Variants in COL14A1 observed in about 807,000 individuals in gnomAD.
COL14A1 encodes collagen alpha-1(XIV) chain.
COL14A1 carries 136 observed loss-of-function variants against 230.3 expected under a neutral mutation model. That is an observed-to-expected ratio of 0.59 (90% confidence interval 0.51 to 0.68). The LOEUF is 0.68. Among genes scored for constraint, COL14A1 ranks in the 30% least tolerant of loss-of-function variants. The pLI, the probability that COL14A1 is intolerant of heterozygous loss-of-function variation, is 0.00. For synonymous variants in COL14A1, 792 were observed against 784.1 expected (o/e 1.01, Z -0.17); for missense variants, 1,976 against 2,215.8 (o/e 0.89, Z 2.17).
chr8:120,178,280 T>G (rs1037204005), intron 5 of COL14A1, among the ~76,000 whole-genome samples: 1 of 152,138 alleles, frequency 6.6e-6, no homozygotes, highest in Non-Finnish European at 1.5e-5. Flanking sequence ...CCTATGTCCA[T>G]GTGTTCTCAT....
chr8:120,190,524 C>T (rs1165584644), intron 5 of COL14A1, among the ~76,000 whole-genome samples: 1 of 151,948 alleles, frequency 6.6e-6, no homozygotes, highest in Non-Finnish European at 1.5e-5. Flanking sequence ...CTTTTGTTGC[C>T]ATTGCTTTTG....
chr8:120,311,184 C>T (rs889285226), intron 37 of COL14A1, among the ~76,000 whole-genome samples: 11 of 152,150 alleles, frequency 7.2e-5, no homozygotes, highest in Non-Finnish European at 1.5e-5. Flanking sequence ...TTTGGTGGGA[C>T]AGACTTGAGG....
intron 14 of COL14A1, among the ~76,000 whole-genome samples, chr8:120,223,026 C>G (rs563406692): frequency 6.6e-6 from 1 of 152,222 alleles, no homozygotes; most frequent in East Asian, 1.9e-4. Context: ...CTAATTTCGA[C>G]AAGAGCTGGG....
intron 2 of COL14A1, among the ~76,000 whole-genome samples, chr8:120,152,206 AATC>A (rs1444792759): frequency 6.6e-6 from 1 of 152,138 alleles, no homozygotes; most frequent in African/African-American, 2.4e-5. Context: ...TCACGTCTGT[AATC>A]CCAGCACTTT....
At chr8:120,306,329 G>A (rs1193358243) in intron 36 of COL14A1, among the ~76,000 whole-genome samples, 2 of 152,146 alleles carry the variant, frequency 1.3e-5, no homozygotes, top group Admixed American at 1.3e-4. Context: ...CAGCAGAGAT[G>A]TGAAAGGGAA....
At chr8:120,292,942 T>C (rs1433767271) in intron 34 of COL14A1, among the ~76,000 whole-genome samples, 1 of 152,096 alleles carries the variant, frequency 6.6e-6, no homozygotes, top group Non-Finnish European at 1.5e-5. Flanking sequence ...CAATGCAAGA[T>C]TGTATAGGCA....
intron 10 of COL14A1, 77 bp downstream of exon 10, chr8:120,207,171 A>T: frequency 1.7e-6 from 2 of 1,196,624 alleles, no homozygotes; most frequent in South Asian, 1.7e-5. Flanking sequence ...CAAGGCAGAA[A>T]TATAAATATA....
intron 2 of COL14A1, 71 bp downstream of exon 2, chr8:120,148,001 T>C (rs1193730644): frequency 9.1e-5 from 100 of 1,099,318 alleles, no homozygotes; most frequent in Non-Finnish European, 1.4e-4. Flanking sequence ...TCATTTTATT[T>C]TATTTATCCT....
chr8:120,239,380 C>T (rs1563690411), intron 19 of COL14A1, among the ~76,000 whole-genome samples: 1 of 152,192 alleles, frequency 6.6e-6, no homozygotes, highest in Non-Finnish European at 1.5e-5. Flanking sequence ...CCTTTGCCTT[C>T]CTCACTCAAA....
chr8:120,358,899 A>C (rs549200988), intron 45 of COL14A1, among the ~76,000 whole-genome samples: 97 of 152,308 alleles, frequency 6.4e-4, no homozygotes, highest in African/African-American at 2.1e-3. Flanking sequence ...AGGTGAAAAC[A>C]TGCAGAGAAA....
At chr8:120,229,391 T>C (rs947409198) in intron 18 of COL14A1, among the ~76,000 whole-genome samples, 2 of 151,622 alleles carry the variant, frequency 1.3e-5, no homozygotes, top group African/African-American at 4.8e-5. Context: ...GATAGTTTAC[T>C]GAGAATGATG....
chr8:120,220,323 G>T (rs1026218004), intron 14 of COL14A1, among the ~76,000 whole-genome samples: 5 of 148,656 alleles, frequency 3.4e-5, no homozygotes, highest in Admixed American at 2.7e-4. Context: ...CTCCAGGCTG[G>T]AGTGCAGTGG....
Position 120,334,585 on chromosome 8 carries a change from A to AACACACACACAC in COL14A1, c.4785+1873_4785+1884dup, listed in dbSNP as rs3054171. ...AAAAATGCATGCGTTCACACACAAA[A>AACACACACACAC]ACACACACACACACACACACACACA... is the stretch of plus-strand genomic sequence containing the variant. On this transcript the variant is annotated intron_variant, in intron 42 of 47. Coordinates refer to ENST00000297848, the MANE Select transcript of COL14A1 (RefSeq NM_021110.4). Among the ~76,000 whole-genome samples, 1,155 of 144,756 alleles carry AACACACACACAC rather than the reference A, an allele frequency of 8.0e-3. 18 individuals carry two copies. The highest frequency in any genetic ancestry group is 0.033 in the East Asian group (158 of 4,738). The allele number at this position is 144,756 out of a possible 152,430, so 95.0% of individuals were successfully genotyped here. A position where few individuals can be genotyped will look rare whatever the true frequency, so the allele number is the denominator to read the frequency against.
intron 45 of COL14A1, among the ~76,000 whole-genome samples, chr8:120,361,911 T>C (rs1048413729): frequency 6.6e-6 from 1 of 152,158 alleles, no homozygotes; most frequent in African/African-American, 2.4e-5. Context: ...GACATGTTAG[T>C]GTGAGCAGGA....
intron 1 of COL14A1, among the ~76,000 whole-genome samples, chr8:120,140,347 A>C (rs1343439544): frequency 6.6e-6 from 1 of 151,248 alleles, no homozygotes; most frequent in Admixed American, 6.6e-5. Flanking sequence ...TTTTTTTTTC[A>C]ATTAACTTTA....
At chr8:120,359,577 A>G (rs1177382610) in intron 45 of COL14A1, among the ~76,000 whole-genome samples, 1 of 152,172 alleles carries the variant, frequency 6.6e-6, no homozygotes, top group Non-Finnish European at 1.5e-5. Context: ...TTTCCCACTA[A>G]TTTTGAATAA....
chr8:120,210,288 C>A (rs894413427), intron 12 of COL14A1, among the ~76,000 whole-genome samples: 1 of 152,072 alleles, frequency 6.6e-6, no homozygotes, highest in African/African-American at 2.4e-5. Context: ...ATAAATAATG[C>A]TTTTGTGAAT....
At chr8:120,204,486 G>A (rs527352057) in intron 9 of COL14A1, among the ~76,000 whole-genome samples, 17 of 152,282 alleles carry the variant, frequency 1.1e-4, no homozygotes, top group East Asian at 9.7e-4. Context: ...CATCCAAGTC[G>A]TTGCATGTGT....
intron 4 of COL14A1, among the ~76,000 whole-genome samples, chr8:120,165,935 G>A (rs929346431): frequency 3.3e-5 from 5 of 152,138 alleles, no homozygotes; most frequent in Admixed American, 1.3e-4. Context: ...GTTTCTCTGA[G>A]GAGAGTTTTA....
Sources: allele counts gnomAD v4.1 joint callset (sites outside exome capture counted in the v4.1 genomes callset), GRCh38; gene constraint gnomAD v4.1.1; transcripts MANE v1.5; gene names NCBI Gene and HGNC (gene_info 2026-07-23, HGNC 2026-07-21).